VPS26A: variants seen among roughly 807,000 people sequenced by gnomAD.
The protein encoded by VPS26A is vacuolar protein sorting-associated protein 26A.
VPS26A carries 22 observed loss-of-function variants against 42.4 expected under a neutral mutation model. The observed-to-expected ratio is 0.52, with a 90% CI of 0.37 to 0.74. The LOEUF (loss-of-function observed/expected upper bound fraction) is 0.74, where lower values mean the gene tolerates loss of function less well. Ranked by LOEUF, VPS26A falls within the 30% of genes least tolerant of loss-of-function variation. The probability of loss-of-function intolerance (pLI) is 0.00; values close to 1 mark genes in which losing one functional copy is unlikely to be tolerated. For missense variants in VPS26A, 276 were observed against 379.2 expected, an observed-to-expected ratio of 0.73 and a Z score of 2.26; for synonymous variants, 110 against 123.5, an observed-to-expected ratio of 0.89 and a Z score of 0.73.
At chr10:69,125,275 TCAAAA>T (rs151048420) in intron 1 of VPS26A, among the ~76,000 whole-genome samples, 6,342 of 152,270 alleles carry the variant, frequency 0.042, 462 homozygotes, top group African/African-American at 0.14. Flanking sequence ...GATGTTGCTT[TCAAAA>T]CAAAACAAAA....
chr10:69,156,907 A>G (rs1841440553), intron 3 of VPS26A, 100 bp from the exon 4 acceptor site: 3 of 1,118,842 alleles, frequency 2.7e-6, no homozygotes, highest in Admixed American at 2.9e-5. Context: ...CAAACTCAAT[A>G]ATTCTTTTGG....
At chr10:69,148,720 T>C (rs975899464) in intron 2 of VPS26A, among the ~76,000 whole-genome samples, 14 of 152,078 alleles carry the variant, frequency 9.2e-5, no homozygotes, top group African/African-American at 9.7e-5. Context: ...TACTGAGGCA[T>C]GAGCTTTGAG....
At chr10:69,150,352 G>A (rs770084021) in intron 2 of VPS26A, among the ~76,000 whole-genome samples, 4 of 151,958 alleles carry the variant, frequency 2.6e-5, no homozygotes, top group Non-Finnish European at 4.4e-5. Context: ...CACTGCGCCC[G>A]GCCCAACTTT....
In VPS26A at chr10:69,165,163, G is replaced by A. The variant is rs545624662; in HGVS notation, c.659-879G>A. ...GGCTGGTCTCGAACTCCTGAGCTCA[G>A]GCAGTCTGCCTGCCTTGGCCTCTCA... On this transcript the variant is annotated intron_variant, in intron 6 of 8. Transcript: ENST00000263559. Among the ~76,000 whole-genome samples, 24 of 152,082 alleles carry A rather than the reference G, an allele frequency of 1.6e-4. 1 individual carries two copies. The East Asian group carries it at 4.3e-3, about 27-fold the overall frequency.
chr10:69,124,897 G>T (rs966660291), intron 1 of VPS26A, among the ~76,000 whole-genome samples: 2 of 152,218 alleles, frequency 1.3e-5, no homozygotes, highest in Non-Finnish European at 2.9e-5. Flanking sequence ...GCCGTTTTAA[G>T]CATTGGCTCT....
rs540508072 is a variant in VPS26A at position 69,124,211 on chromosome 10, G to C, written c.-67G>C. 4 of 1,269,650 alleles carry C rather than the reference G, an allele frequency of 3.2e-6. No individual in the cohort carries two copies. The highest frequency in any genetic ancestry group is 7.7e-5 in the South Asian group (2 of 25,892). 78.6% of individuals were successfully genotyped at this position (1,269,650 alleles called of 1,614,324 possible). On this transcript the variant is annotated 5_prime_UTR_variant, in exon 1 of 9. Transcript: ENST00000263559. ...GTGACGGAGCGCCGGAGCGGAGGGA[G>C]CCGGGGCTGGGAGTTCTCCTGAGGG...
chr10:69,163,761 G>GTTT (rs869118567), intron 6 of VPS26A, among the ~76,000 whole-genome samples: 9 of 145,838 alleles, frequency 6.2e-5, no homozygotes, highest in African/African-American at 2.3e-4. Context: ...TTAATTTTCA[G>GTTT]TTTTCTTTTT....
chr10:69,132,824 G>A (rs1840815661), intron 1 of VPS26A, 74 bp from the exon 2 acceptor site: 1 of 1,395,320 alleles, frequency 7.2e-7, no homozygotes, highest in Non-Finnish European at 9.7e-7. Flanking sequence ...TAGTTCATAG[G>A]TAATTAAATT....
intron 1 of VPS26A, among the ~76,000 whole-genome samples, chr10:69,124,644 TCTCTTCC>T (rs1564669549): frequency 6.6e-6 from 1 of 152,102 alleles, no homozygotes; most frequent in African/African-American, 2.4e-5. Context: ...CCGGGCAGCC[TCTCTTCC>T]ATCCAGGTGG....
rs370326503 is a variant in VPS26A, at chr10:69,173,172, A to G, written c.*1903A>G. On this transcript the variant is annotated 3_prime_UTR_variant, in exon 9 of 9. Coordinates refer to ENST00000263559, the MANE Select transcript of VPS26A (RefSeq NM_004896.5). ...AGTCAGCCAGCTAATTAGAAGTCAT[A>G]AACTGAAAAAGAAATTTGTGTCTTT... Among the ~76,000 whole-genome samples, 1 of 152,216 alleles carries G rather than the reference A, an allele frequency of 6.6e-6. No individual in the cohort carries two copies. Among genetic ancestry groups the G allele is most frequent in the Non-Finnish European group, 1.5e-5 (1 of 68,036 alleles).
At chr10:69,161,955 T>A (rs1038212134) in intron 5 of VPS26A, 20 of 189,750 alleles carry the variant, frequency 1.1e-4, no homozygotes, top group African/African-American at 4.7e-4. Context: ...GCCACCTCCA[T>A]GCAACTCAGC....
At chr10:69,156,168 G>T (rs7074955) in intron 3 of VPS26A, among the ~76,000 whole-genome samples, 2 of 151,502 alleles carry the variant, frequency 1.3e-5, no homozygotes, top group African/African-American at 4.9e-5. Context: ...TCATCTGCCT[G>T]CATTTTTCAC....
intron 2 of VPS26A, among the ~76,000 whole-genome samples, chr10:69,139,353 G>T (rs538378492): frequency 6.6e-6 from 1 of 152,132 alleles, no homozygotes; most frequent in Admixed American, 6.5e-5. Flanking sequence ...ACCCAGGCTG[G>T]AGTGCGGTGG....
intron 2 of VPS26A, among the ~76,000 whole-genome samples, chr10:69,139,598 G>A (rs1218042334): frequency 1.3e-5 from 2 of 152,086 alleles, no homozygotes; most frequent in Non-Finnish European, 1.5e-5. Context: ...CATCGTGCCC[G>A]GCCTTCTTGA....
chr10:69,151,250 G>GTGAGAC (rs1417294875), intron 2 of VPS26A, among the ~76,000 whole-genome samples: 1 of 97,288 alleles, frequency 1.0e-5, no homozygotes, highest in Non-Finnish European at 1.8e-5. Flanking sequence ...GGGCAACAGA[G>GTGAGAC]TGAGACTCCA....
At chr10:69,140,093 G>A (rs1841008086) in intron 2 of VPS26A, among the ~76,000 whole-genome samples, 1 of 149,074 alleles carries the variant, frequency 6.7e-6, no homozygotes, top group Admixed American at 6.7e-5. Flanking sequence ...TTTGAGATAA[G>A]ATCTTGCTCT....
chr10:69,169,604 C>CTT (rs145987168), intron 8 of VPS26A, among the ~76,000 whole-genome samples: 9 of 148,040 alleles, frequency 6.1e-5, no homozygotes, highest in African/African-American at 7.5e-5. Context: ...GCCTCTAATC[C>CTT]TTTTTTTTTA....
intron 5 of VPS26A, 95 bp from the exon 6 acceptor site, chr10:69,162,311 T>C: frequency 1.6e-6 from 1 of 627,564 alleles, no homozygotes; most frequent in South Asian, 2.4e-5. Flanking sequence ...TAAGTAATTA[T>C]ACTAAAGATG....
At chr10:69,144,820 T>C (rs932178577) in intron 2 of VPS26A, among the ~76,000 whole-genome samples, 3 of 152,098 alleles carry the variant, frequency 2.0e-5, no homozygotes, top group Non-Finnish European at 4.4e-5. Flanking sequence ...TCTATGTATG[T>C]ATCATAAATA....
Sources: allele counts gnomAD v4.1 joint callset (sites outside exome capture counted in the v4.1 genomes callset), GRCh38; gene constraint gnomAD v4.1.1; transcripts MANE v1.5; gene names NCBI Gene and HGNC (gene_info 2026-07-23, HGNC 2026-07-21).